Variants in UBXN8 observed in about 807,000 individuals in gnomAD.
UBXN8 encodes UBX domain-containing protein 8.
A neutral mutation model predicts 32.1 loss-of-function variants in UBXN8; 27 were observed. That is an observed-to-expected ratio of 0.84 (90% CI 0.62 to 1.16). The LOEUF is 1.16. Among genes scored for constraint, UBXN8 ranks in the 50% most tolerant of loss-of-function variants. UBXN8 has a pLI of 0.00. For synonymous variants in UBXN8, 109 were observed against 111.8 expected, an observed-to-expected ratio of 0.98 and a Z score of 0.16; for missense variants, 306 against 311.4, an observed-to-expected ratio of 0.98 and a Z score of 0.13.
At chr8:30,765,049 AAAAAC>A (rs1489246606) in intron 7 of UBXN8, among the ~76,000 whole-genome samples, 1 of 152,190 alleles carries the variant, frequency 6.6e-6, no homozygotes, top group Admixed American at 6.6e-5. Context: ...CTCCATCACA[AAAAAC>A]AAAACAAAAC....
chr8:30,753,652 T>C (rs1805572544), intron 3 of UBXN8, among the ~76,000 whole-genome samples: 2 of 152,232 alleles, frequency 1.3e-5, no homozygotes, highest in Middle Eastern at 3.4e-3. Context: ...CCGTATACTC[T>C]TTAAACAGTC....
Position 30,744,219 on chromosome 8 carries a change from C to G in UBXN8, c.30C>G (p.Phe10Leu), listed in dbSNP as rs1412095522. 6.2e-7 allele frequency: 1 copy of G among 1,613,738 alleles called. No homozygotes were observed. Among genetic ancestry groups the G allele is most frequent in the Admixed American group, 1.7e-5 (1 of 59,976 alleles). The change falls in exon 1 of 8, where the codon TTC becomes TTG. Residue 10 changes from phenylalanine (F) to leucine (L), a missense_variant. Coordinates refer to ENST00000265616, the MANE Select transcript of UBXN8 (RefSeq NM_005671.4). MASRGVVGI[F>L]FLSAVPLVCL... ...CTTCACGTGGGGTTGTTGGCATTTTCTTCCTCTCTGCTGTCCCCCTTGTGT... is the reference window on the plus strand; with the variant it reads ...CTTCACGTGGGGTTGTTGGCATTTTGTTCCTCTCTGCTGTCCCCCTTGTGT...
chr8:30,766,428 C>A lies in UBXN8; in HGVS notation c.*34C>A. 1 of 1,540,502 alleles carries A rather than the reference C, an allele frequency of 6.5e-7. No individual in the cohort carries two copies. Among genetic ancestry groups the A allele is most frequent in the South Asian group, 1.2e-5 (1 of 82,124 alleles). ...GGAGAGCTCCCTGTTTGCATGAAGTCAGTTATGCTATGACCTTCTGGCACA... is the reference window on the plus strand; with the variant it reads ...GGAGAGCTCCCTGTTTGCATGAAGTAAGTTATGCTATGACCTTCTGGCACA... On this transcript the variant is annotated 3_prime_UTR_variant, in exon 8 of 8. Coordinates refer to ENST00000265616, the MANE Select transcript of UBXN8 (RefSeq NM_005671.4).
upstream of UBXN8, among the ~76,000 whole-genome samples, chr8:30,729,198 C>T (rs899019267): frequency 1.3e-5 from 2 of 152,204 alleles, no homozygotes; most frequent in African/African-American, 4.8e-5. Context: ...GCTTGAGCGA[C>T]GCGGATCCTG....
At chr8:30,763,851 C>T (rs1805928415) in intron 7 of UBXN8, among the ~76,000 whole-genome samples, 1 of 152,010 alleles carries the variant, frequency 6.6e-6, no homozygotes, top group Non-Finnish European at 1.5e-5. Context: ...ATTAGCCGGG[C>T]ATGGTGGCGG....
At chr8:30,730,095 C>T (rs995775971), upstream of UBXN8, among the ~76,000 whole-genome samples, 3 of 152,224 alleles carry the variant, frequency 2.0e-5, no homozygotes, top group African/African-American at 7.2e-5. Flanking sequence ...GTCCACAGTG[C>T]TTGTGCCTCC....
intron 5 of UBXN8, among the ~76,000 whole-genome samples, chr8:30,759,928 G>C (rs13250707): frequency 0.71 from 107,394 of 150,400 alleles, 40,081 homozygotes; most frequent in East Asian, 0.85. Context: ...CTGCACTCCA[G>C]CCTGGGCGAC....
At chr8:30,752,918 G>T in intron 2 of UBXN8, 117 bp from the exon 3 acceptor site, 1 of 1,146,884 alleles carries the variant, frequency 8.7e-7, no homozygotes, top group Non-Finnish European at 1.2e-6. Context: ...GATGTGTTAG[G>T]GTCTCCCCAT....
chr8:30,744,630 T>G lies in UBXN8; in HGVS notation c.88+353T>G, dbSNP rs895595887. Among the ~76,000 whole-genome samples the G allele has an allele frequency of 8.5e-5, 13 of 152,342 alleles. No individual in the cohort carries two copies. The South Asian group carries it at 1.2e-3, about 15-fold the overall frequency. ...TTTTGTTTTGTTTTTAGAGACAGGGTCTCACTATGTTGCCCAGGCTGGTCT... is the reference window on the plus strand; with the variant it reads ...TTTTGTTTTGTTTTTAGAGACAGGGGCTCACTATGTTGCCCAGGCTGGTCT... On this transcript the variant is annotated intron_variant, in intron 1 of 7. Transcript: ENST00000265616.
At chr8:30,757,242 A>G (rs1369678545) in intron 5 of UBXN8, among the ~76,000 whole-genome samples, 2 of 152,010 alleles carry the variant, frequency 1.3e-5, no homozygotes, top group African/African-American at 2.4e-5. Flanking sequence ...ACAAATGATA[A>G]TAGGTTTAGA....
At chr8:30,738,910 T>A (rs554965296) in intron 1 of UBXN8, among the ~76,000 whole-genome samples, 3 of 150,902 alleles carry the variant, frequency 2.0e-5, no homozygotes, top group African/African-American at 7.2e-5. Flanking sequence ...GAGCTGAGAT[T>A]GTGCTATTGC....
upstream of UBXN8, among the ~76,000 whole-genome samples, chr8:30,729,772 G>T (rs550389494): frequency 1.3e-5 from 2 of 152,326 alleles, no homozygotes; most frequent in African/African-American, 2.4e-5. Context: ...TTAGAAGTGG[G>T]TTGGCCATCA....
intron 3 of UBXN8, 76 bp downstream of exon 3, chr8:30,753,181 T>C (rs1283354962): frequency 5.8e-6 from 8 of 1,384,152 alleles, no homozygotes; most frequent in Admixed American, 3.6e-5. Context: ...TAAGGGCTGT[T>C]GCTTCTGTCT....
chr8:30,756,077 T>G (rs927764304), intron 4 of UBXN8: 4 of 151,858 alleles, frequency 2.6e-5, no homozygotes, highest in African/African-American at 9.7e-5. Flanking sequence ...CAAGTTGGAG[T>G]GCAATGGCAC....
chr8:30,731,876 T>G (rs1248847143), upstream of UBXN8, among the ~76,000 whole-genome samples: 1 of 152,172 alleles, frequency 6.6e-6, no homozygotes, highest in Non-Finnish European at 1.5e-5. Context: ...CTCCTGCCTG[T>G]TCCCAAGCCT....
chr8:30,751,929 C>T (rs1012652962), intron 2 of UBXN8, among the ~76,000 whole-genome samples: 1 of 146,990 alleles, frequency 6.8e-6, no homozygotes, highest in Non-Finnish European at 1.5e-5. Flanking sequence ...GAGTCTCACT[C>T]TGTCACCAGC....
rs561418500 is a variant in UBXN8, at chr8:30,737,796, C to G, written c.622+4488C>G. On this transcript the variant is annotated intron_variant, in intron 1 of 1. Transcript: ENST00000522968. ...CTGGGAGGTGGAGGCTGCAGTGAGC[C>G]GTGATTGTACAACCACACTGCAGCC... 3.3e-5 allele frequency among the ~76,000 whole-genome samples: 5 copies of G among 152,114 alleles called. No homozygotes were observed. In the East Asian group the frequency reaches 5.8e-4, roughly 18 times the overall value.
intron 1 of UBXN8, among the ~76,000 whole-genome samples, chr8:30,746,865 A>G (rs1805376329): frequency 7.2e-6 from 1 of 139,852 alleles, no homozygotes; most frequent in Admixed American, 7.2e-5. Context: ...GTTGAAGTAC[A>G]CTGCTTATGG....
chr8:30,735,409 T>C lies in UBXN8; in HGVS notation c.622+2101T>C, dbSNP rs115592876. 5.9e-3 allele frequency among the ~76,000 whole-genome samples: 905 copies of C among 152,106 alleles called. 9 individuals are homozygous for C. Among genetic ancestry groups the C allele is most frequent in the African/African-American group, 0.021 (860 of 41,474 alleles). On this transcript the variant is annotated intron_variant, in intron 1 of 1. Transcript: ENST00000522968. The stretch of plus-strand genomic sequence containing the variant: ...ACCCCGTCTCTACTAAATACAAAAA[T>C]TAGCCAGAGTGGTGGTGTGTACCTG...
Sources: gnomAD v4.1 joint callset for allele counts (sites outside exome capture counted in the v4.1 genomes callset) on GRCh38, gnomAD v4.1.1 for gene constraint, MANE v1.5 for transcripts, NCBI Gene and HGNC (gene_info 2026-07-23, HGNC 2026-07-21) for gene names.